Variants in CDH13 observed in about 807,000 individuals in gnomAD.
CDH13 encodes cadherin 13.
In CDH13, 24 loss-of-function variants were observed where a neutral mutation model predicts 63.8. That is an observed-to-expected ratio of 0.38 (90% confidence interval 0.27 to 0.53). The LOEUF is 0.53. CDH13 is among the 20% of genes least tolerant of loss of function. CDH13 has a pLI of 0.85. For synonymous variants in CDH13, 503 were observed against 355.3 expected (o/e 1.42, Z -4.67); for missense variants, 1,049 against 903.1 (o/e 1.16, Z -2.07).
At chr16:83,217,527 T>A (rs749523534) in intron 5 of CDH13, 30 bp downstream of exon 5, 11 of 1,596,740 alleles carry the variant, frequency 6.9e-6, no homozygotes, top group Non-Finnish European at 9.4e-6. Context: ...GCCCACCCTG[T>A]GCGCAGAAAT....
intron 2 of CDH13, among the ~76,000 whole-genome samples, chr16:82,971,242 G>A (rs936576588): frequency 6.6e-6 from 1 of 152,164 alleles, no homozygotes; most frequent in Admixed American, 6.5e-5. Flanking sequence ...TATCCACATT[G>A]ACAGCTGATT....
At chr16:82,843,181 C>A (rs761927163) in intron 1 of CDH13, among the ~76,000 whole-genome samples, 1 of 152,162 alleles carries the variant, frequency 6.6e-6, no homozygotes, top group Non-Finnish European at 1.5e-5. Context: ...CTATAATGTT[C>A]TGTGTTTCTT....
At chr16:83,526,569 C>G (rs1021863607) in intron 7 of CDH13, among the ~76,000 whole-genome samples, 22 of 152,310 alleles carry the variant, frequency 1.4e-4, no homozygotes, top group African/African-American at 5.3e-4. Flanking sequence ...TGGTAATGCT[C>G]GCTTGCTAGC....
intron 6 of CDH13, among the ~76,000 whole-genome samples, chr16:83,448,324 G>C (rs1714656882): frequency 6.6e-6 from 1 of 152,160 alleles, no homozygotes; most frequent in East Asian, 1.9e-4. Context: ...ATGGTAGCTA[G>C]ACATATAAAT....
intron 3 of CDH13, among the ~76,000 whole-genome samples, chr16:83,069,754 C>T (rs141608522): frequency 1.5e-3 from 229 of 152,290 alleles, no homozygotes; most frequent in African/African-American, 5.2e-3. Flanking sequence ...CCAGTGCTAA[C>T]CCTGTTCAGA....
chr16:82,763,043 T>C (rs1411627468), intron 1 of CDH13, among the ~76,000 whole-genome samples: 1 of 152,184 alleles, frequency 6.6e-6, no homozygotes, highest in Non-Finnish European at 1.5e-5. Flanking sequence ...TTGACATTTA[T>C]AGATTTTATA....
At chr16:83,514,349 A>C (rs1484221167) in intron 7 of CDH13, among the ~76,000 whole-genome samples, 1 of 152,196 alleles carries the variant, frequency 6.6e-6, no homozygotes, top group African/African-American at 2.4e-5. Flanking sequence ...GAGTATCCTC[A>C]TAAGAAGAGG....
chr16:82,950,494 T>G (rs1487777070), intron 2 of CDH13, among the ~76,000 whole-genome samples: 1 of 152,196 alleles, frequency 6.6e-6, no homozygotes, highest in East Asian at 1.9e-4. Context: ...TGAGTAAGTC[T>G]CAGGAGATCT....
intron 11 of CDH13, among the ~76,000 whole-genome samples, chr16:83,764,186 G>T (rs1278781665): frequency 6.6e-6 from 1 of 152,124 alleles, no homozygotes; most frequent in Non-Finnish European, 1.5e-5. Flanking sequence ...GGCAAACTAT[G>T]AAAAGGCACT....
intron 1 of CDH13, among the ~76,000 whole-genome samples, chr16:82,786,230 T>G (rs1008222039): frequency 3.3e-5 from 5 of 152,190 alleles, no homozygotes; most frequent in African/African-American, 1.2e-4. Context: ...TACTGACATA[T>G]TCTTTGAAAA....
intron 1 of CDH13, among the ~76,000 whole-genome samples, chr16:82,733,502 G>A (rs1597432691): frequency 6.6e-6 from 1 of 152,128 alleles, no homozygotes; most frequent in Non-Finnish European, 1.5e-5. Context: ...TCATGATTTG[G>A]CTGTGTAGAG....
chr16:82,867,386 T>A (rs1347762491), intron 2 of CDH13, among the ~76,000 whole-genome samples: 1 of 152,190 alleles, frequency 6.6e-6, no homozygotes, highest in Non-Finnish European at 1.5e-5. Flanking sequence ...TGCTGCGTAT[T>A]TGTTGCTTTT....
intron 1 of CDH13, chr16:82,639,568 T>G: frequency 1.4e-6 from 1 of 728,886 alleles, no homozygotes; most frequent in Non-Finnish European, 2.3e-6. Flanking sequence ...AGCTACTCTT[T>G]GTAATTCTTT....
At chr16:82,809,472 G>A (rs998348207) in intron 1 of CDH13, among the ~76,000 whole-genome samples, 2 of 152,088 alleles carry the variant, frequency 1.3e-5, no homozygotes, top group African/African-American at 2.4e-5. Flanking sequence ...AATTCGCTCA[G>A]GGCATGTAAA....
chr16:83,045,524 C>A (rs370317247), intron 3 of CDH13, among the ~76,000 whole-genome samples: 2 of 151,150 alleles, frequency 1.3e-5, no homozygotes, highest in South Asian at 4.2e-4. Context: ...GTAATCCCAG[C>A]TACTTGGGAG....
At chr16:83,277,012 C>G (rs1319857679) in intron 5 of CDH13, among the ~76,000 whole-genome samples, 1 of 152,070 alleles carries the variant, frequency 6.6e-6, no homozygotes, top group South Asian at 2.1e-4. Flanking sequence ...AGACCTGCCC[C>G]CATAATACAA....
At chr16:83,171,449 T>C (rs1253195821) in intron 4 of CDH13, 88 of 1,265,448 alleles carry the variant, frequency 7.0e-5, no homozygotes, top group South Asian at 2.4e-4. Context: ...ATCCAAACCA[T>C]ATCAAAAGCT....
Position 83,036,250 on chromosome 16 carries a change from A to C in CDH13, c.366+4032A>C, listed in dbSNP as rs190988676. ...CTGCAACCTCCACCTCCTGGGTTCAAGTGATTCTCCTGCCTCAGCCTTCTG... is the reference window on the plus strand; with the variant it reads ...CTGCAACCTCCACCTCCTGGGTTCACGTGATTCTCCTGCCTCAGCCTTCTG... On this transcript the variant is annotated intron_variant, in intron 3 of 13. Coordinates refer to ENST00000567109, the MANE Select transcript of CDH13 (RefSeq NM_001257.5). Among the ~76,000 whole-genome samples, 18 of 150,552 alleles carry C rather than the reference A, an allele frequency of 1.2e-4. No individual in the cohort carries two copies. In the East Asian group the frequency reaches 3.3e-3, roughly 28 times the overall value.
In CDH13 at chr16:83,799,186, AC is replaced by A. The variant is rs1435117025; in HGVS notation, c.*4158del. ...AAATTAGCTGGGTGTGGTGGTGCAC[AC>A]CTGAAACCCCAGCTACTCAGGAGGC... On this transcript the variant is annotated 3_prime_UTR_variant, in exon 14 of 14. Transcript: ENST00000567109. The A allele has an allele frequency of 1.3e-5, 2 of 151,636 alleles. No individual in the cohort carries two copies. The highest frequency in any genetic ancestry group is 3.9e-4 in the East Asian group (2 of 5,138). The allele number at this position is 151,636 out of a possible 1,614,324, so 9.4% of individuals were successfully genotyped here.
Sources: allele counts gnomAD v4.1 joint callset (sites outside exome capture counted in the v4.1 genomes callset), GRCh38; gene constraint gnomAD v4.1.1; transcripts MANE v1.5; gene names NCBI Gene and HGNC (gene_info 2026-07-23, HGNC 2026-07-21).